Variants in ZNF391 observed in about 807,000 individuals in gnomAD.
ZNF391 encodes zinc finger protein 391.
For missense variants in ZNF391, 375 were observed against 425.5 expected, an observed-to-expected ratio of 0.88 and a Z score of 1.04; for synonymous variants, 126 against 142.1, an observed-to-expected ratio of 0.89 and a Z score of 0.80.
intron 1 of ZNF391, among the ~76,000 whole-genome samples, chr6:27,390,014 G>A (rs2113648060): frequency 6.6e-6 from 1 of 152,304 alleles, no homozygotes; most frequent in South Asian, 2.1e-4. Context: ...GATCACCTTT[G>A]GTAGGACAAG....
intron 1 of ZNF391, among the ~76,000 whole-genome samples, chr6:27,398,296 G>A (rs1201898838): frequency 6.6e-6 from 1 of 152,164 alleles, no homozygotes; most frequent in Non-Finnish European, 1.5e-5. Context: ...AACAAGAGGA[G>A]GGGTTAAACA....
rs1581522422 is a variant in ZNF391, at chr6:27,378,349, AAG to A, written n.523+3217_523+3218del. Among the ~76,000 whole-genome samples, 6 of 152,232 alleles carry A rather than the reference AAG, an allele frequency of 3.9e-5. No individual in the cohort carries two copies. The South Asian group carries it at 1.2e-3, about 32-fold the overall frequency. ...TGGGTGCAGGTGGGCTGAGTCCAAAAAGAGAGTCAGCGAAGGGAGATAGGGGT... is the reference window on the plus strand; with the variant it reads ...TGGGTGCAGGTGGGCTGAGTCCAAAAAGAGTCAGCGAAGGGAGATAGGGGT... On this transcript the variant is annotated intron_variant and non_coding_transcript_variant, in intron 1 of 2. Transcript: ENST00000477999.
In ZNF391 at chr6:27,400,592, A is replaced by G. The variant is rs773444936; in HGVS notation, c.222A>G (p.Gln74=). 1.2e-6 allele frequency: 2 copies of G among 1,614,222 alleles called. No individual in the cohort carries two copies. Among genetic ancestry groups the G allele is most frequent in the Non-Finnish European group, 1.7e-6 (2 of 1,180,044 alleles). The change falls in exon 3 of 3, where the codon CAA becomes CAG. Residue 74 remains glutamine (Q), a synonymous_variant. Coordinates refer to ENST00000244576, the MANE Select transcript of ZNF391 (RefSeq NM_001076781.3). The part of the protein sequence containing the change: ...EFSLSPNLDA[Q]QKIPKGHGSP... ...GTCTAAGCCCAAACCTTGACGCACAACAGAAAATTCCAAAGGGACATGGAT... is the reference window on the plus strand; with the variant it reads ...GTCTAAGCCCAAACCTTGACGCACAGCAGAAAATTCCAAAGGGACATGGAT...
chr6:27,386,012 T>C (rs1761577762), upstream of ZNF391, among the ~76,000 whole-genome samples: 1 of 152,112 alleles, frequency 6.6e-6, no homozygotes, highest in African/African-American at 2.4e-5. Context: ...GATTAAGCAA[T>C]ACACTTCTAA....
At chr6:27,389,401 A>T (rs1269664668) in intron 1 of ZNF391, 2 of 456,256 alleles carry the variant, frequency 4.4e-6, no homozygotes, top group East Asian at 1.4e-4. Flanking sequence ...GAGTGCAGGC[A>T]CTGCTCCAAG....
At position 27,401,565 on chromosome 6, in the gene ZNF391, T is replaced by C. The variant is rs936842655; in HGVS notation, c.*118T>C. 2.8e-6 allele frequency: 2 copies of C among 707,418 alleles called. No homozygotes were observed. Among genetic ancestry groups the C allele is most frequent in the African/African-American group, 3.6e-5 (2 of 56,014 alleles). The allele number at this position is 707,418 out of a possible 1,614,324, so 43.8% of individuals were successfully genotyped here. On this transcript the variant is annotated 3_prime_UTR_variant, in exon 3 of 3. Coordinates refer to ENST00000244576, the MANE Select transcript of ZNF391 (RefSeq NM_001076781.3). ...CTAATTTTCTTTTATTAGATACCTA[T>C]ACCCGTTTTAAGCTTTCATTCGTTC...
upstream of ZNF391, among the ~76,000 whole-genome samples, chr6:27,385,584 C>T (rs1173813940): frequency 3.3e-5 from 5 of 152,056 alleles, no homozygotes; most frequent in Admixed American, 2.0e-4. Context: ...TCTAAGAAGA[C>T]ATAATCCTTA....
chr6:27,394,223 G>A (rs780687248), intron 1 of ZNF391, among the ~76,000 whole-genome samples: 10 of 152,230 alleles, frequency 6.6e-5, no homozygotes, highest in Non-Finnish European at 1.5e-4. Flanking sequence ...TCTAAGAGGC[G>A]ATGCCTCCCA....
At chr6:27,377,933 G>A (rs1484860062) in intron 1 of ZNF391, among the ~76,000 whole-genome samples, 2 of 152,126 alleles carry the variant, frequency 1.3e-5, no homozygotes, top group African/African-American at 2.4e-5. Flanking sequence ...TGTGTGTAAC[G>A]TGTATATGTA....
At chr6:27,391,697 T>C (rs997042513) in intron 1 of ZNF391, among the ~76,000 whole-genome samples, 1 of 152,222 alleles carries the variant, frequency 6.6e-6, no homozygotes, top group Admixed American at 6.5e-5. Context: ...TGTTTCATCA[T>C]ACCAACCAGA....
chr6:27,376,749 C>T lies in ZNF391; in HGVS notation n.523+1612C>T, dbSNP rs1581521608. Among the ~76,000 whole-genome samples, 1 of 151,976 alleles carries T rather than the reference C, an allele frequency of 6.6e-6. No individual in the cohort carries two copies. Among genetic ancestry groups the T allele is most frequent in the Admixed American group, 6.6e-5 (1 of 15,252 alleles). On this transcript the variant is annotated intron_variant and non_coding_transcript_variant, in intron 1 of 2. Transcript: ENST00000477999. This position sits in a 1 kb window ranked among gnomAD's most constrained non-coding sequence, Gnocchi z 4.7. Reference sequence around the variant, plus strand: ...GGCGAGCCGCTTGAAGCTACTCCGGCGGCTGAGGCAGGAGAATTGCTTGAA... The same window carrying T: ...GGCGAGCCGCTTGAAGCTACTCCGGTGGCTGAGGCAGGAGAATTGCTTGAA...
intron 1 of ZNF391, among the ~76,000 whole-genome samples, chr6:27,382,018 G>C (rs1180172251): frequency 1.8e-5 from 2 of 110,554 alleles, no homozygotes; most frequent in Non-Finnish European, 3.5e-5. Flanking sequence ...CTGGGCAACA[G>C]AGCAAGACTC....
Position 27,400,431 on chromosome 6 carries a change from G to A in ZNF391, c.61G>A (p.Glu21Lys), listed in dbSNP as rs374551320. The change falls in exon 3 of 3, where the codon GAA becomes AAA. Residue 21 changes from glutamate to lysine, a missense_variant. Coordinates refer to ENST00000244576, the MANE Select transcript of ZNF391 (RefSeq NM_001076781.3). ...GPTNEEDYKN[E>K]GQLSRQTKCP... Reference sequence around the variant, plus strand: ...TACAAATGAAGAAGACTATAAAAACGAAGGCCAATTATCAAGGCAAACAAA... The same window carrying A: ...TACAAATGAAGAAGACTATAAAAACAAAGGCCAATTATCAAGGCAAACAAA... The A allele has an allele frequency of 1.4e-5, 22 of 1,613,876 alleles. No homozygotes were observed. Among genetic ancestry groups the A allele is most frequent in the East Asian group, 8.9e-5 (4 of 44,892 alleles).
chr6:27,386,411 A>G (rs1183170732), upstream of ZNF391, among the ~76,000 whole-genome samples: 3 of 152,184 alleles, frequency 2.0e-5, no homozygotes, highest in African/African-American at 7.2e-5. Flanking sequence ...CCATCCTAAA[A>G]TTCACATGGA....
At chr6:27,378,388 A>G (rs1314252014) in intron 1 of ZNF391, among the ~76,000 whole-genome samples, 1 of 152,010 alleles carries the variant, frequency 6.6e-6, no homozygotes, top group Non-Finnish European at 1.5e-5. Context: ...GGGCCGTTTT[A>G]TAAGATTTGG....
At chr6:27,384,797 C>T (rs1395971832), upstream of ZNF391, among the ~76,000 whole-genome samples, 1 of 152,046 alleles carries the variant, frequency 6.6e-6, no homozygotes, top group Admixed American at 6.5e-5. Flanking sequence ...GCAGGCAGAC[C>T]ACCTGAGGTC....
chr6:27,381,142 G>A (rs1761495830), intron 1 of ZNF391, among the ~76,000 whole-genome samples: 1 of 152,232 alleles, frequency 6.6e-6, no homozygotes, highest in South Asian at 2.1e-4. Context: ...GGAGGCTTGG[G>A]CCGCACAGGA....
chr6:27,395,669 G>A (rs1234817828), intron 1 of ZNF391, among the ~76,000 whole-genome samples: 1 of 152,016 alleles, frequency 6.6e-6, no homozygotes, highest in African/African-American at 2.4e-5. Context: ...GCATGAGAGT[G>A]AACTTCAAAT....
rs1761427491 is a variant in ZNF391, at chr6:27,376,891, TG to T, written n.523+1755del. ...AAATAATAAAATACGTACACATTCT[TG>T]TGAAGTTTGTAAAACTAGGTATTTG... On this transcript the variant is annotated intron_variant and non_coding_transcript_variant, in intron 1 of 2. Transcript: ENST00000477999. The surrounding 1 kb of genome is among the most constrained non-coding windows in gnomAD (Gnocchi z 4.7). Among the ~76,000 whole-genome samples, 1 of 152,146 alleles carries T rather than the reference TG, an allele frequency of 6.6e-6. No homozygotes were observed. The highest frequency in any genetic ancestry group is 2.1e-4 in the South Asian group (1 of 4,836).
Sources: gnomAD v4.1 joint callset for allele counts (sites outside exome capture counted in the v4.1 genomes callset) on GRCh38, gnomAD v4.1.1 for gene constraint, Gnocchi (gnomAD v3.1) non-coding constraint, MANE v1.5 for transcripts, NCBI Gene and HGNC (gene_info 2026-07-23, HGNC 2026-07-21) for gene names.